ANO1: variants seen among roughly 807,000 people sequenced by gnomAD.
ANO1 encodes anoctamin-1.
A neutral mutation model predicts 124.0 loss-of-function variants in ANO1; 59 were observed. The ratio of observed to expected loss-of-function variants is 0.48; its 90% confidence interval spans 0.39 to 0.59. The LOEUF is 0.59. Ranked by LOEUF, ANO1 falls within the 20% of genes least tolerant of loss-of-function variation. ANO1 has a pLI of 0.00. For missense variants in ANO1, 1,059 were observed against 1,328.0 expected (o/e 0.80, Z 3.15); for synonymous variants, 529 against 532.0 (o/e 0.99, Z 0.08).
intron 21 of ANO1, 126 bp from the exon 22 acceptor site, chr11:70,170,761 T>C: frequency 6.6e-6 from 8 of 1,211,376 alleles, no homozygotes; most frequent in Non-Finnish European, 9.2e-6. Flanking sequence ...GTGGGGTCCA[T>C]GCAGGTGGGC....
At chr11:69,999,094 A>G (rs1473252658) in intron 1 of ANO1, among the ~76,000 whole-genome samples, 1 of 151,906 alleles carries the variant, frequency 6.6e-6, no homozygotes, top group Non-Finnish European at 1.5e-5. Flanking sequence ...GAGTCTGGGC[A>G]ATTTACAAAG....
At chr11:70,172,119 TAAA>T (rs367908728) in intron 22 of ANO1, among the ~76,000 whole-genome samples, 10 of 120,486 alleles carry the variant, frequency 8.3e-5, no homozygotes, top group East Asian at 5.0e-4. Context: ...GAACCTGTCT[TAAA>T]AAAAAAAAAA....
Position 70,103,385 on chromosome 11 carries a change from T to A in ANO1, c.540+221T>A, listed in dbSNP as rs2045356672. Among the ~76,000 whole-genome samples, 4 of 151,988 alleles carry A rather than the reference T, an allele frequency of 2.6e-5. No homozygotes were observed. In the South Asian group the frequency reaches 8.3e-4, roughly 32 times the overall value. On this transcript the variant is annotated intron_variant, in intron 3 of 25. Coordinates refer to ENST00000355303, the MANE Select transcript of ANO1 (RefSeq NM_018043.7). ...AATATGACCCAACCCTGGGTGATCTTTAGAGACCCCAGACCAAACCCCACC... is the reference window on the plus strand; with the variant it reads ...AATATGACCCAACCCTGGGTGATCTATAGAGACCCCAGACCAAACCCCACC...
At chr11:70,126,259 C>T in intron 10 of ANO1, 64 bp downstream of exon 10, 2 of 1,545,524 alleles carry the variant, frequency 1.3e-6, no homozygotes, top group Non-Finnish European at 1.8e-6. Context: ...GCCATCCCAG[C>T]TGCACAATTC....
chr11:70,035,038 G>A (rs1304583299), intron 1 of ANO1, among the ~76,000 whole-genome samples: 3 of 151,984 alleles, frequency 2.0e-5, no homozygotes, highest in East Asian at 1.9e-4. Context: ...CATGGGACTC[G>A]GTGCTGTTAG....
intron 25 of ANO1, among the ~76,000 whole-genome samples, chr11:70,187,352 G>A (rs995432846): frequency 2.6e-5 from 4 of 152,178 alleles, no homozygotes; most frequent in Admixed American, 6.5e-5. Context: ...ACCCTGGGAC[G>A]CTTTGCAAAC....
At position 70,161,371 on chromosome 11, in the gene ANO1, C is replaced by A; in HGVS notation, c.1780+9C>A. The A allele has an allele frequency of 6.2e-7, 1 of 1,613,270 alleles. No homozygotes were observed. The highest frequency in any genetic ancestry group is 1.1e-5 in the South Asian group (1 of 91,072). ...ATGGCTCACCAAGATCGGTGAGTGCCCATGTTCCAGGTACTGTGGCCTGGA... is the reference window on the plus strand; with the variant it reads ...ATGGCTCACCAAGATCGGTGAGTGCACATGTTCCAGGTACTGTGGCCTGGA... On this transcript the variant is annotated intron_variant, in intron 17 of 25. Transcript: ENST00000355303.
chr11:70,106,983 G>A (rs2045573335), intron 5 of ANO1, among the ~76,000 whole-genome samples: 1 of 152,208 alleles, frequency 6.6e-6, no homozygotes, highest in Non-Finnish European at 1.5e-5. Context: ...GGTGAGATCC[G>A]TTCCAGAAGG....
At chr11:70,040,955 C>T (rs1368241563) in intron 1 of ANO1, among the ~76,000 whole-genome samples, 2 of 152,218 alleles carry the variant, frequency 1.3e-5, no homozygotes, top group Non-Finnish European at 2.9e-5. Flanking sequence ...AGCATCATAG[C>T]TCGAGGGCCC....
At chr11:70,000,591 A>T (rs1174897807) in intron 1 of ANO1, among the ~76,000 whole-genome samples, 2 of 151,402 alleles carry the variant, frequency 1.3e-5, no homozygotes, top group Non-Finnish European at 2.9e-5. Flanking sequence ...ATACTCTGGA[A>T]GACTGATAGG....
chr11:70,189,139 A>G lies in ANO1; in HGVS notation c.*1135A>G, dbSNP rs1221131037. On this transcript the variant is annotated 3_prime_UTR_variant, in exon 26 of 26. Coordinates refer to ENST00000355303, the MANE Select transcript of ANO1 (RefSeq NM_018043.7). ...TCTCATAAATGATATGAGTGATCTAAATTTGCAGCAATGATACTAAACAAC... is the reference window on the plus strand; with the variant it reads ...TCTCATAAATGATATGAGTGATCTAGATTTGCAGCAATGATACTAAACAAC... 1 of 152,614 alleles carries G rather than the reference A, an allele frequency of 6.6e-6. No homozygotes were observed. Among genetic ancestry groups the G allele is most frequent in the Non-Finnish European group, 1.5e-5 (1 of 68,036 alleles). 9.5% of individuals were successfully genotyped at this position (152,614 alleles called of 1,614,324 possible).
At chr11:70,127,564 C>T (rs1031409571) in intron 10 of ANO1, among the ~76,000 whole-genome samples, 11 of 152,142 alleles carry the variant, frequency 7.2e-5, no homozygotes, top group Non-Finnish European at 1.2e-4. Flanking sequence ...GGTGCGATGG[C>T]GCATGCCTGT....
intron 1 of ANO1, among the ~76,000 whole-genome samples, chr11:70,058,514 AG>A (rs1391450601): frequency 1.3e-5 from 2 of 152,196 alleles, no homozygotes; most frequent in African/African-American, 4.8e-5. Flanking sequence ...TTATTAGAGA[AG>A]CTACGGAAGG....
At chr11:70,143,737 G>A (rs1319468768) in intron 11 of ANO1, among the ~76,000 whole-genome samples, 7 of 152,094 alleles carry the variant, frequency 4.6e-5, no homozygotes, top group Admixed American at 3.9e-4. Flanking sequence ...GTGTCCCTCC[G>A]GCCCATTCTC....
At chr11:70,028,934 A>G (rs1555003488) in intron 1 of ANO1, among the ~76,000 whole-genome samples, 6 of 151,978 alleles carry the variant, frequency 3.9e-5, no homozygotes, top group African/African-American at 1.5e-4. Flanking sequence ...GGCGCCCACC[A>G]TCACGCCTGG....
At chr11:70,075,071 G>A (rs1333129936), upstream of ANO1, 1 of 152,180 alleles carries the variant, frequency 6.6e-6, no homozygotes, top group South Asian at 2.1e-4. Flanking sequence ...TCTTGTTCCG[G>A]TCCATGGTCT....
chr11:69,980,307 A>C, the ANO1 span, among the ~76,000 whole-genome samples: 1 of 152,134 alleles, frequency 6.6e-6, no homozygotes, highest in South Asian at 2.1e-4. Flanking sequence ...CCACGGGTGC[A>C]GAGCTTAGGT....
At chr11:70,111,820 G>C in intron 7 of ANO1, 58 bp downstream of exon 7, 1 of 1,567,786 alleles carries the variant, frequency 6.4e-7, no homozygotes, top group South Asian at 1.1e-5. Flanking sequence ...AAATCCCGCC[G>C]GGCCACACCC....
intron 2 of ANO1, among the ~76,000 whole-genome samples, chr11:70,094,812 T>C (rs566444290): frequency 6.6e-5 from 10 of 152,344 alleles, no homozygotes; most frequent in Admixed American, 3.9e-4. Context: ...ATTTTATGCC[T>C]CCCCAGTCTT....
Sources: allele counts gnomAD v4.1 joint callset (sites outside exome capture counted in the v4.1 genomes callset), GRCh38; gene constraint gnomAD v4.1.1; transcripts MANE v1.5; gene names NCBI Gene and HGNC (gene_info 2026-07-23, HGNC 2026-07-21).